LIN52: variants seen among roughly 807,000 people sequenced by gnomAD.
LIN52 encodes lin-52 DREAM MuvB core complex component, also known as protein lin-52 homolog.
LIN52 carries 4 observed loss-of-function variants against 18.5 expected under a neutral mutation model. The ratio of observed to expected loss-of-function variants is 0.22; its 90% CI spans 0.11 to 0.49. The LOEUF (loss-of-function observed/expected upper bound fraction) is 0.49. Among genes scored for constraint, LIN52 ranks in the 20% least tolerant of loss-of-function variants. LIN52 has a pLI of 0.97. For synonymous variants in LIN52, 34 were observed against 45.5 expected, an observed-to-expected ratio of 0.75 and a Z score of 1.02; for missense variants, 102 against 139.5, an observed-to-expected ratio of 0.73 and a Z score of 1.35.
chr14:74,092,979 C>G lies in LIN52; in HGVS notation c.94+1673C>G, dbSNP rs2060783427. The stretch of plus-strand genomic sequence containing the variant: ...TGTATTTATTTATTTGAGATGGAGT[C>G]TTGCTCATGTCGCTCAGGCTGGAGT... On this transcript the variant is annotated intron_variant, in intron 2 of 5. Transcript: ENST00000555028. Among the ~76,000 whole-genome samples, 3 of 151,676 alleles carry G rather than the reference C, an allele frequency of 2.0e-5. No homozygotes were observed. The South Asian group carries it at 6.3e-4, about 32-fold the overall frequency.
chr14:74,198,841 C>T (rs988509269), intron 5 of LIN52, 81 bp from the exon 6 acceptor site: 8 of 1,060,252 alleles, frequency 7.5e-6, no homozygotes, highest in Non-Finnish European at 2.9e-6. Flanking sequence ...AATCAATCTG[C>T]ATTTTTAAAT....
At chr14:74,193,133 C>T (rs2078889185) in intron 5 of LIN52, among the ~76,000 whole-genome samples, 1 of 151,706 alleles carries the variant, frequency 6.6e-6, no homozygotes, top group Non-Finnish European at 1.5e-5. Context: ...GTGGCATGCT[C>T]ATTCAGCTCT....
intron 5 of LIN52, among the ~76,000 whole-genome samples, chr14:74,119,178 T>C (rs1186572803): frequency 1.3e-5 from 2 of 149,658 alleles, no homozygotes; most frequent in African/African-American, 2.5e-5. Context: ...TTTTTTTTTT[T>C]TGAGACAGAG....
At chr14:74,182,594 T>C (rs1302937103) in intron 5 of LIN52, among the ~76,000 whole-genome samples, 1 of 151,926 alleles carries the variant, frequency 6.6e-6, no homozygotes, top group Non-Finnish European at 1.5e-5. Flanking sequence ...ATCATTTACA[T>C]ATACAGTTGT....
At chr14:74,131,218 A>G (rs1274047376) in intron 5 of LIN52, among the ~76,000 whole-genome samples, 4 of 144,692 alleles carry the variant, frequency 2.8e-5, no homozygotes, top group African/African-American at 1.0e-4. Flanking sequence ...GCTGTTAGCA[A>G]TCTTGAGTAA....
chr14:74,193,909 C>T (rs2078895637), intron 5 of LIN52, among the ~76,000 whole-genome samples: 1 of 152,200 alleles, frequency 6.6e-6, no homozygotes, highest in Non-Finnish European at 1.5e-5. Context: ...TTTGTCCCCG[C>T]TTCACAAACA....
chr14:74,160,813 G>A (rs2061221205), intron 5 of LIN52, among the ~76,000 whole-genome samples: 1 of 152,148 alleles, frequency 6.6e-6, no homozygotes, highest in Non-Finnish European at 1.5e-5. Context: ...TGGTCTTGAG[G>A]CCAGTTTTCA....
At chr14:74,091,333 A>T (rs374846493) in intron 2 of LIN52, 27 bp downstream of exon 2, 34 of 1,404,698 alleles carry the variant, frequency 2.4e-5, no homozygotes, top group Non-Finnish European at 3.3e-5. Context: ...TTTATATCAG[A>T]GTCAATGCAG....
chr14:74,175,459 GAGGC>G (rs1226539498), intron 5 of LIN52, among the ~76,000 whole-genome samples: 1 of 151,360 alleles, frequency 6.6e-6, no homozygotes, highest in African/African-American at 2.4e-5. Flanking sequence ...GCTATGTAGC[GAGGC>G]CCCAGGATCA....
intron 5 of LIN52, among the ~76,000 whole-genome samples, chr14:74,132,919 A>G (rs953411933): frequency 3.9e-5 from 6 of 152,118 alleles, no homozygotes; most frequent in Non-Finnish European, 8.8e-5. Flanking sequence ...TGAAAATGAC[A>G]TTTGGGTTCT....
chr14:74,118,866 GACTTATACTA>G, intron 5 of LIN52, among the ~76,000 whole-genome samples: 1 of 152,122 alleles, frequency 6.6e-6, no homozygotes, highest in Non-Finnish European at 1.5e-5. Flanking sequence ...GCATTACTGT[GACTTATACTA>G]TCATAGAATA....
chr14:74,130,440 G>C (rs2061059104), intron 5 of LIN52, among the ~76,000 whole-genome samples: 1 of 151,076 alleles, frequency 6.6e-6, no homozygotes, highest in Admixed American at 6.6e-5. Flanking sequence ...ACCACTCCTG[G>C]CTAATTTTAA....
At chr14:74,162,980 A>G (rs1204835115) in intron 5 of LIN52, among the ~76,000 whole-genome samples, 1 of 152,174 alleles carries the variant, frequency 6.6e-6, no homozygotes, top group Non-Finnish European at 1.5e-5. Context: ...AATAGATGGA[A>G]TCATTTTATA....
At chr14:74,174,945 G>A (rs1240499620) in intron 5 of LIN52, among the ~76,000 whole-genome samples, 1 of 151,484 alleles carries the variant, frequency 6.6e-6, no homozygotes, top group African/African-American at 2.4e-5. Flanking sequence ...GTTAACGGAG[G>A]TCGAGGCTGC....
At chr14:74,194,027 A>G (rs1286511669) in intron 5 of LIN52, among the ~76,000 whole-genome samples, 1 of 152,240 alleles carries the variant, frequency 6.6e-6, no homozygotes, top group African/African-American at 2.4e-5. Flanking sequence ...TAAAATTTAC[A>G]TTGTTCCCTA....
chr14:74,199,079 G>A lies in LIN52; in HGVS notation c.*102G>A. ...CACTGCTTGCTTGGGAGAGGCCAGA[G>A]GGTGTACCTCCAGGACTGCCCTCTC... On this transcript the variant is annotated 3_prime_UTR_variant, in exon 6 of 6. Transcript: ENST00000555028. The A allele has an allele frequency of 1.2e-6, 1 of 820,014 alleles. No individual in the cohort carries two copies. Among genetic ancestry groups the A allele is most frequent in the South Asian group, 1.4e-5 (1 of 69,286 alleles). 50.8% of individuals were successfully genotyped at this position (820,014 alleles called of 1,614,324 possible). A position where few individuals can be genotyped will look rare whatever the true frequency, so the allele number is the denominator to read the frequency against.
chr14:74,197,614 G>A (rs2078922280), intron 5 of LIN52, among the ~76,000 whole-genome samples: 1 of 152,172 alleles, frequency 6.6e-6, no homozygotes, highest in Non-Finnish European at 1.5e-5. Flanking sequence ...GATTTGGTCT[G>A]GGTTGGGGTT....
chr14:74,096,178 A>C (rs531738222), intron 3 of LIN52, among the ~76,000 whole-genome samples, 193 bp downstream of exon 3: 58 of 152,232 alleles, frequency 3.8e-4, no homozygotes, highest in African/African-American at 1.4e-3. Context: ...CTCCTGCCTC[A>C]GCCTCCTGAG....
intron 5 of LIN52, among the ~76,000 whole-genome samples, chr14:74,175,648 A>G (rs2061289530): frequency 6.6e-6 from 1 of 151,430 alleles, no homozygotes; most frequent in Non-Finnish European, 1.5e-5. Flanking sequence ...AGTAAGCTAT[A>G]ATCACACCAC....
Sources: gnomAD v4.1 joint callset for allele counts (sites outside exome capture counted in the v4.1 genomes callset) on GRCh38, gnomAD v4.1.1 for gene constraint, MANE v1.5 for transcripts, NCBI Gene and HGNC (gene_info 2026-07-23, HGNC 2026-07-21) for gene names.